GABRG3: variants seen among roughly 807,000 people sequenced by gnomAD.
GABRG3 encodes gamma-aminobutyric acid receptor subunit gamma-3.
In GABRG3, 25 loss-of-function variants were observed where a neutral mutation model predicts 48.8. That is an observed-to-expected ratio of 0.51 (90% CI 0.37 to 0.72). The LOEUF is 0.72. Ranked by LOEUF, GABRG3 falls within the 30% of genes least tolerant of loss-of-function variation. GABRG3 has a pLI of 0.00. For missense variants in GABRG3, 394 were observed against 577.9 expected, an observed-to-expected ratio of 0.68 and a Z score of 3.26; for synonymous variants, 227 against 217.6, an observed-to-expected ratio of 1.04 and a Z score of -0.38.
chr15:27,259,538 A>C (rs1028947513), intron 3 of GABRG3, among the ~76,000 whole-genome samples: 3 of 152,166 alleles, frequency 2.0e-5, no homozygotes, highest in Non-Finnish European at 4.4e-5. Context: ...TTATTTCCTT[A>C]CTTTTACTAA....
At chr15:27,020,599 A>G (rs1190437826) in intron 2 of GABRG3, among the ~76,000 whole-genome samples, 2 of 149,556 alleles carry the variant, frequency 1.3e-5, no homozygotes, top group African/African-American at 4.9e-5. Context: ...TTGTATTTTT[A>G]GCAGAGACGG....
intron 3 of GABRG3, among the ~76,000 whole-genome samples, chr15:27,193,710 C>T (rs997659143): frequency 5.9e-5 from 9 of 152,032 alleles, no homozygotes; most frequent in Non-Finnish European, 8.8e-5. Flanking sequence ...GGCTTGTGCA[C>T]GGTGCGCTGC....
At chr15:27,309,000 A>C (rs1892887737) in intron 3 of GABRG3, among the ~76,000 whole-genome samples, 1 of 150,678 alleles carries the variant, frequency 6.6e-6, no homozygotes, top group Non-Finnish European at 1.5e-5. Flanking sequence ...AAACACATAT[A>C]ATGTAAAAAT....
At chr15:27,390,535 T>C (rs180932487) in intron 5 of GABRG3, among the ~76,000 whole-genome samples, 7 of 152,314 alleles carry the variant, frequency 4.6e-5, no homozygotes, top group Admixed American at 1.3e-4. Context: ...ACAGGGCTCA[T>C]GGACCATGGG....
chr15:26,978,873 C>T (rs1287390485), intron 2 of GABRG3, among the ~76,000 whole-genome samples: 1 of 152,162 alleles, frequency 6.6e-6, no homozygotes, highest in African/African-American at 2.4e-5. Context: ...CAGAAAAATC[C>T]TGCTGGGATT....
intron 3 of GABRG3, among the ~76,000 whole-genome samples, chr15:27,114,022 A>G (rs957100499): frequency 2.6e-5 from 4 of 152,252 alleles, no homozygotes; most frequent in African/African-American, 9.6e-5. Context: ...CATTGTGCTT[A>G]TTCTTACTAA....
intron 3 of GABRG3, among the ~76,000 whole-genome samples, chr15:27,311,519 G>A (rs554394217): frequency 1.3e-5 from 2 of 152,146 alleles, no homozygotes; most frequent in African/African-American, 4.8e-5. Context: ...CTAATATGCA[G>A]CTAGTCGCCA....
At chr15:27,205,202 T>G (rs1352462787) in intron 3 of GABRG3, among the ~76,000 whole-genome samples, 1 of 152,150 alleles carries the variant, frequency 6.6e-6, no homozygotes, top group Non-Finnish European at 1.5e-5. Flanking sequence ...TTGTCATAGA[T>G]GGCTGTTATT....
chr15:27,393,063 G>A (rs1470833179), intron 5 of GABRG3, among the ~76,000 whole-genome samples: 1 of 152,108 alleles, frequency 6.6e-6, no homozygotes, highest in South Asian at 2.1e-4. Context: ...ATCTGGATGT[G>A]GTCTGGGCGC....
At chr15:27,517,862 T>A (rs1451521970) in intron 6 of GABRG3, among the ~76,000 whole-genome samples, 1 of 152,216 alleles carries the variant, frequency 6.6e-6, no homozygotes, top group Non-Finnish European at 1.5e-5. Context: ...ATCATCCTAA[T>A]TCCTTTGTAC....
At chr15:27,298,092 G>C (rs1223048727) in intron 3 of GABRG3, among the ~76,000 whole-genome samples, 1 of 152,064 alleles carries the variant, frequency 6.6e-6, no homozygotes, top group Non-Finnish European at 1.5e-5. Context: ...GATGTAAAAA[G>C]CAAATGGTAG....
intron 5 of GABRG3, among the ~76,000 whole-genome samples, chr15:27,399,182 A>G (rs1302050895): frequency 6.6e-6 from 1 of 152,210 alleles, no homozygotes; most frequent in East Asian, 1.9e-4. Flanking sequence ...TAGTAAGTTG[A>G]TTTATTAATA....
chr15:27,132,472 T>C (rs12902255), intron 3 of GABRG3, among the ~76,000 whole-genome samples: 1 of 28,676 alleles, frequency 3.5e-5, no homozygotes. Context: ...GTAGTTACAG[T>C]TTTTTTTTTT....
chr15:26,976,544 C>T lies in GABRG3; in HGVS notation c.54-458C>T, dbSNP rs375865199. Among the ~76,000 whole-genome samples, 8 of 152,096 alleles carry T rather than the reference C, an allele frequency of 5.3e-5. No homozygotes were observed. The highest frequency in any genetic ancestry group is 1.7e-4 in the African/African-American group (7 of 41,508). ...CAGACTCAACTATTTTGAATGAGTC[C>T]ACTCTGCAAAAGCTAATCTCACCTT... On this transcript the variant is annotated intron_variant, in intron 1 of 9. Transcript: ENST00000615808. This position sits in a 1 kb window ranked among gnomAD's most constrained non-coding sequence, Gnocchi z 7.8.
At chr15:27,097,670 CACTGAGTG>C (rs1191107752) in intron 3 of GABRG3, among the ~76,000 whole-genome samples, 4 of 152,118 alleles carry the variant, frequency 2.6e-5, no homozygotes, top group African/African-American at 9.7e-5. Flanking sequence ...ACCCAGTCCC[CACTGAGTG>C]ACTGGAGGTG....
At chr15:27,024,389 C>A (rs960087654) in intron 2 of GABRG3, among the ~76,000 whole-genome samples, 2 of 152,144 alleles carry the variant, frequency 1.3e-5, no homozygotes, top group African/African-American at 4.8e-5. Flanking sequence ...AATCCAATGT[C>A]AGGAAGCTTT....
intron 3 of GABRG3, among the ~76,000 whole-genome samples, chr15:27,317,068 T>C (rs765249764): frequency 4.6e-5 from 7 of 152,006 alleles, no homozygotes; most frequent in Non-Finnish European, 1.0e-4. Context: ...TCAGAGGTGT[T>C]GAACTCCGGT....
Position 27,388,228 on chromosome 15 carries a change from AG to A in GABRG3, c.574+59343del, listed in dbSNP as rs1289133176. On this transcript the variant is annotated intron_variant, in intron 5 of 9. Transcript: ENST00000615808. ...AGGAAGGAAAGGAGGAAGGAAGGAA[AG>A]GGAGGAGGGAGGGAGGAAAGGAAGG... Among the ~76,000 whole-genome samples, 34 of 31,146 alleles carry A rather than the reference AG, an allele frequency of 1.1e-3. 3 individuals carry two copies. The highest frequency in any genetic ancestry group is 1.6e-3 in the South Asian group (1 of 636). The allele number at this position is 31,146 out of a possible 152,430, so 20.4% of individuals were successfully genotyped here. A position where few individuals can be genotyped will look rare whatever the true frequency, so the allele number is the denominator to read the frequency against.
At chr15:27,387,427 C>T (rs1045908135) in intron 5 of GABRG3, among the ~76,000 whole-genome samples, 20 of 152,128 alleles carry the variant, frequency 1.3e-4, no homozygotes, top group South Asian at 6.2e-4. Flanking sequence ...ATTTTATGTT[C>T]GAAGCCTATT....
Sources: allele counts gnomAD v4.1 joint callset (sites outside exome capture counted in the v4.1 genomes callset), GRCh38; gene constraint gnomAD v4.1.1; non-coding constraint Gnocchi (gnomAD v3.1); transcripts MANE v1.5; gene names NCBI Gene and HGNC (gene_info 2026-07-23, HGNC 2026-07-21).